Variants in EPHA3 observed in about 807,000 individuals in gnomAD.
EPHA3 encodes the protein ephrin type-A receptor 3.
Under a neutral mutation model 107.1 loss-of-function variants are expected in EPHA3, and 42 were observed. The ratio of observed to expected loss-of-function variants is 0.39; its 90% confidence interval spans 0.31 to 0.51. The LOEUF is 0.51. EPHA3 is among the 20% of genes least tolerant of loss of function. The pLI, the probability that EPHA3 is intolerant of heterozygous loss-of-function variation, is 0.78. For synonymous variants in EPHA3, 461 were observed against 424.8 expected (o/e 1.09, Z -1.05); for missense variants, 1,183 against 1,211.2 (o/e 0.98, Z 0.35).
chr3:89,257,354 T>A (rs1705309789), intron 3 of EPHA3, among the ~76,000 whole-genome samples: 1 of 152,158 alleles, frequency 6.6e-6, no homozygotes, highest in East Asian at 1.9e-4. Flanking sequence ...CTGGTGAAGA[T>A]TGCAATGGCT....
At chr3:89,224,283 G>A (rs1032436210) in intron 3 of EPHA3, among the ~76,000 whole-genome samples, 4 of 152,158 alleles carry the variant, frequency 2.6e-5, no homozygotes, top group African/African-American at 9.7e-5. Flanking sequence ...ATTTGGCTGA[G>A]TGATCATGCG....
At chr3:89,294,570 TTCTC>T (rs1706299745) in intron 3 of EPHA3, among the ~76,000 whole-genome samples, 1 of 152,194 alleles carries the variant, frequency 6.6e-6, no homozygotes, top group Admixed American at 6.5e-5. Context: ...TTGCTATCCT[TTCTC>T]AAGCTCATGA....
At position 89,429,006 on chromosome 3, in the gene EPHA3, C is replaced by T. The variant is rs72923612; in HGVS notation, c.2075-100C>T. 7,846 of 699,666 alleles carry T rather than the reference C, an allele frequency of 0.011. 478 individuals are homozygous for T. In the African/African-American group the frequency reaches 0.13, roughly 11 times the overall value. 43.3% of individuals were successfully genotyped at this position (699,666 alleles called of 1,614,324 possible). The stretch of plus-strand genomic sequence containing the variant: ...AATTAGAAGACAGGCAAAGTTCTTA[C>T]ATCTCTATAATCCTCAGGTAAATCC... On this transcript the variant is annotated intron_variant, in intron 11 of 16. Transcript: ENST00000336596.
intron 7 of EPHA3, among the ~76,000 whole-genome samples, chr3:89,402,503 A>T (rs1240307882): frequency 6.6e-6 from 1 of 152,144 alleles, no homozygotes; most frequent in Non-Finnish European, 1.5e-5. Flanking sequence ...GAGGTAAAAG[A>T]CAAAATTTTT....
chr3:89,151,707 G>A (rs144753515), intron 2 of EPHA3, among the ~76,000 whole-genome samples: 2,041 of 152,038 alleles, frequency 0.013, 43 homozygotes, highest in African/African-American at 0.043. Flanking sequence ...TATTATTTTA[G>A]GAAAAATTAA....
At chr3:89,263,978 G>T (rs925366506) in intron 3 of EPHA3, among the ~76,000 whole-genome samples, 9 of 152,080 alleles carry the variant, frequency 5.9e-5, no homozygotes, top group Non-Finnish European at 1.2e-4. Flanking sequence ...CAACCCAGTA[G>T]AGTCTGCCCT....
At chr3:89,263,970 AC>A (rs1705479800) in intron 3 of EPHA3, among the ~76,000 whole-genome samples, 1 of 151,970 alleles carries the variant, frequency 6.6e-6, no homozygotes, top group Non-Finnish European at 1.5e-5. Context: ...GCATTACTCA[AC>A]CCAGTAGAGT....
At chr3:89,460,823 C>CTTTTTTT (rs753656853) in intron 15 of EPHA3, among the ~76,000 whole-genome samples, 358 of 101,976 alleles carry the variant, frequency 3.5e-3, no homozygotes, top group Non-Finnish European at 5.2e-3. Context: ...CTCTGTCTCT[C>CTTTTTTT]TTTTTTTTTT....
At chr3:89,445,257 G>T (rs570436989) in intron 13 of EPHA3, among the ~76,000 whole-genome samples, 2 of 152,044 alleles carry the variant, frequency 1.3e-5, no homozygotes, top group African/African-American at 2.4e-5. Flanking sequence ...AACTGTCTAT[G>T]GACTTCAACA....
intron 11 of EPHA3, among the ~76,000 whole-genome samples, chr3:89,424,212 G>C (rs1258954468): frequency 6.6e-6 from 1 of 151,376 alleles, no homozygotes; most frequent in Non-Finnish European, 1.5e-5. Context: ...CCCAAGTGTA[G>C]TTTATTCCAA....
At chr3:89,181,819 T>C (rs1168790765) in intron 2 of EPHA3, among the ~76,000 whole-genome samples, 1 of 151,974 alleles carries the variant, frequency 6.6e-6, no homozygotes, top group African/African-American at 2.4e-5. Flanking sequence ...AGCTGGCCTG[T>C]CAGGCATGCT....
intron 11 of EPHA3, among the ~76,000 whole-genome samples, chr3:89,427,674 A>C (rs1223244679): frequency 6.6e-6 from 1 of 151,942 alleles, no homozygotes; most frequent in Non-Finnish European, 1.5e-5. Context: ...AGTCGTGTTT[A>C]AAATTTTCTT....
intron 5 of EPHA3, among the ~76,000 whole-genome samples, chr3:89,390,618 A>G (rs1013485447): frequency 1.3e-5 from 2 of 150,930 alleles, no homozygotes; most frequent in African/African-American, 4.9e-5. Context: ...AAAAAAAAAA[A>G]AGTGGTACTT....
At chr3:89,212,917 A>G (rs1704138876) in intron 3 of EPHA3, among the ~76,000 whole-genome samples, 1 of 151,950 alleles carries the variant, frequency 6.6e-6, no homozygotes, top group African/African-American at 2.4e-5. Flanking sequence ...TGATGTATGA[A>G]GACACCTAGA....
At chr3:89,333,355 A>G (rs1389750346) in intron 3 of EPHA3, among the ~76,000 whole-genome samples, 1 of 152,162 alleles carries the variant, frequency 6.6e-6, no homozygotes, top group Non-Finnish European at 1.5e-5. Context: ...ACAAATTGGT[A>G]TTATTTTGGC....
intron 3 of EPHA3, among the ~76,000 whole-genome samples, chr3:89,265,001 T>C (rs1341757457): frequency 6.6e-6 from 1 of 152,180 alleles, no homozygotes; most frequent in Non-Finnish European, 1.5e-5. Flanking sequence ...ATGCTTTTAA[T>C]GTAGTAATTT....
At chr3:89,335,174 A>G (rs1235964505) in intron 3 of EPHA3, among the ~76,000 whole-genome samples, 1 of 152,142 alleles carries the variant, frequency 6.6e-6, no homozygotes, top group Non-Finnish European at 1.5e-5. Context: ...AACAATGGAA[A>G]TTTATTTCTC....
chr3:89,273,963 G>A (rs954147163), intron 3 of EPHA3, among the ~76,000 whole-genome samples: 1 of 151,884 alleles, frequency 6.6e-6, no homozygotes, highest in African/African-American at 2.4e-5. Flanking sequence ...TGAAAAATGA[G>A]GCACTAAATA....
chr3:89,261,643 A>G (rs146331109), intron 3 of EPHA3, among the ~76,000 whole-genome samples: 2,006 of 152,204 alleles, frequency 0.013, 21 homozygotes, highest in Non-Finnish European at 0.017. Flanking sequence ...TGACAAAAGT[A>G]ATTTCTGGAT....
Sources: gnomAD v4.1 joint callset for allele counts (sites outside exome capture counted in the v4.1 genomes callset) on GRCh38, gnomAD v4.1.1 for gene constraint, MANE v1.5 for transcripts, NCBI Gene and HGNC (gene_info 2026-07-23, HGNC 2026-07-21) for gene names.